The following KANK1 variants were observed in gnomAD, a reference collection of about 807,000 sequenced individuals.
KANK1 encodes the protein KN motif and ankyrin repeat domains 1.
KANK1 carries 109 observed loss-of-function variants against 106.2 expected under a neutral mutation model. The ratio of observed to expected loss-of-function variants is 1.03; its 90% CI spans 0.88 to 1.20. The LOEUF (loss-of-function observed/expected upper bound fraction) is 1.20. Ranked by LOEUF, KANK1 falls within the 50% of genes most tolerant of loss-of-function variation. The probability of loss-of-function intolerance (pLI) is 0.00; values close to 1 mark genes in which losing one functional copy is unlikely to be tolerated. For missense variants in KANK1, 2,399 were observed against 1,710.7 expected (o/e 1.40, Z -7.10); for synonymous variants, 873 against 652.2 (o/e 1.34, Z -5.16).
At chr9:597,596 C>T (rs1022411738) in intron 1 of KANK1, among the ~76,000 whole-genome samples, 3 of 151,646 alleles carry the variant, frequency 2.0e-5, no homozygotes, top group African/African-American at 4.9e-5. Context: ...ATTCTGGATA[C>T]TAGACCCTTA....
chr9:647,952 C>A (rs1588553159), intron 1 of KANK1, among the ~76,000 whole-genome samples: 1 of 149,804 alleles, frequency 6.7e-6, no homozygotes, highest in South Asian at 2.1e-4. Flanking sequence ...GCACCTCACA[C>A]ACAGCCAGTC....
chr9:687,904 A>T (rs1818933884), intron 2 of KANK1, among the ~76,000 whole-genome samples: 1 of 152,222 alleles, frequency 6.6e-6, no homozygotes, highest in Non-Finnish European at 1.5e-5. Flanking sequence ...GAATCATGTC[A>T]TCTTCTTCGT....
In KANK1 at chr9:524,807, G is replaced by A. The variant is rs191982223; in HGVS notation, c.-84+20053G>A. 1.8e-4 allele frequency among the ~76,000 whole-genome samples: 27 copies of A among 151,572 alleles called. 1 individual carries two copies. The highest frequency in any genetic ancestry group is 3.9e-4 in the East Asian group (2 of 5,170). ...GCTGGGATTATGGGTGTGAGCCACC[G>A]TGCCCGGCTCGTTACTGGTTTTGAT... On this transcript the variant is annotated intron_variant, in intron 1 of 11. Transcript: ENST00000382297.
intron 1 of KANK1, 45 bp downstream of exon 1, chr9:504,799 G>GCCCC (rs1459945642): frequency 4.1e-5 from 5 of 122,216 alleles, no homozygotes; most frequent in African/African-American, 1.2e-4. Context: ...GCCGCGGCGA[G>GCCCC]GTTGTCCCGG....
intron 1 of KANK1, among the ~76,000 whole-genome samples, chr9:629,901 T>C (rs1288084417): frequency 6.6e-6 from 1 of 152,206 alleles, no homozygotes; most frequent in Non-Finnish European, 1.5e-5. Flanking sequence ...ACGCACTTTG[T>C]TCATCTATAA....
intron 1 of KANK1, among the ~76,000 whole-genome samples, chr9:557,174 C>A: frequency 7.2e-6 from 1 of 138,248 alleles, no homozygotes; most frequent in South Asian, 2.5e-4. Flanking sequence ...CAGAGCAAGA[C>A]CATGTCTCAA....
chr9:606,812 T>C (rs1217031189), intron 1 of KANK1, among the ~76,000 whole-genome samples: 1 of 151,510 alleles, frequency 6.6e-6, no homozygotes, highest in African/African-American at 2.4e-5. Flanking sequence ...TCATCAAATA[T>C]ATATGGACCT....
At chr9:723,599 C>T (rs1274882654) in intron 3 of KANK1, among the ~76,000 whole-genome samples, 1 of 151,918 alleles carries the variant, frequency 6.6e-6, no homozygotes, top group African/African-American at 2.4e-5. Flanking sequence ...TGCACTCTAG[C>T]CTGGGTGACA....
At chr9:701,648 C>G (rs1465888521) in intron 2 of KANK1, among the ~76,000 whole-genome samples, 1 of 152,026 alleles carries the variant, frequency 6.6e-6, no homozygotes, top group Non-Finnish European at 1.5e-5. Context: ...CAGGCATTGC[C>G]AAATGTCCCT....
chr9:728,988 C>T (rs920553553), intron 3 of KANK1, among the ~76,000 whole-genome samples: 2 of 152,204 alleles, frequency 1.3e-5, no homozygotes, highest in African/African-American at 4.8e-5. Flanking sequence ...AACCCAGCCA[C>T]CTTGGGCACA....
At chr9:607,844 GC>G (rs1372958051) in intron 1 of KANK1, among the ~76,000 whole-genome samples, 3 of 151,546 alleles carry the variant, frequency 2.0e-5, no homozygotes, top group African/African-American at 7.3e-5. Context: ...GTAAAATTAG[GC>G]CAATCTTTTG....
intron 1 of KANK1, among the ~76,000 whole-genome samples, chr9:606,821 C>G (rs923141791): frequency 6.6e-6 from 1 of 151,426 alleles, no homozygotes; most frequent in Non-Finnish European, 1.5e-5. Context: ...ATATATGGAC[C>G]TGCCATATGC....
At chr9:666,263 T>A (rs1408380805) in intron 1 of KANK1, among the ~76,000 whole-genome samples, 2 of 152,224 alleles carry the variant, frequency 1.3e-5, no homozygotes, top group Non-Finnish European at 2.9e-5. Context: ...TTTTTCAGAT[T>A]GTTCACTATT....
At chr9:565,825 C>T (rs1268113735) in intron 1 of KANK1, among the ~76,000 whole-genome samples, 3 of 152,094 alleles carry the variant, frequency 2.0e-5, no homozygotes, top group Non-Finnish European at 4.4e-5. Flanking sequence ...TTGTGACTTC[C>T]AGAACAATGG....
intron 1 of KANK1, among the ~76,000 whole-genome samples, chr9:574,576 G>A (rs1372083264): frequency 6.6e-6 from 1 of 152,070 alleles, no homozygotes; most frequent in African/African-American, 2.4e-5. Flanking sequence ...TTCTTTCTCA[G>A]CCGCGCGTGG....
rs369614830 is a variant in KANK1, at chr9:734,881, T to C, written c.3333+46T>C. The C allele has an allele frequency of 7.1e-6, 10 of 1,401,172 alleles. No individual in the cohort carries two copies. The African/African-American group carries it at 1.1e-4, about 16-fold the overall frequency. The allele number at this position is 1,401,172 out of a possible 1,614,324, so 86.8% of individuals were successfully genotyped here. On this transcript the variant is annotated intron_variant, in intron 7 of 11. Transcript: ENST00000382297. ...CCATCCCCAGTGTGTACAAAGTGCA[T>C]GAGTGGGTTCATTGTCAAGGCCAGC...
intron 1 of KANK1, among the ~76,000 whole-genome samples, chr9:534,308 A>G (rs1306704878): frequency 1.3e-5 from 2 of 152,156 alleles, no homozygotes; most frequent in Non-Finnish European, 2.9e-5. Flanking sequence ...TCTTTTTTTG[A>G]AAGTATTATT....
chr9:732,479 A>C lies in KANK1; in HGVS notation c.3107A>C (p.Glu1036Ala). 1 of 1,614,026 alleles carries C rather than the reference A, an allele frequency of 6.2e-7. No homozygotes were observed. Among genetic ancestry groups the C allele is most frequent in the Non-Finnish European group, 8.5e-7 (1 of 1,179,976 alleles). ...DVIEYPLEEEEEEEDEDTRGM... is the reference protein window; with the variant it reads ...DVIEYPLEEEAEEEDEDTRGM... The stretch of plus-strand genomic sequence containing the variant: ...ATTGAGTATCCTCTTGAAGAAGAGG[A>C]GGAGGAGGAGGATGAAGACACTCGG... The change falls in exon 6 of 12, where the codon GAG (glutamate) becomes GCG (alanine). Residue 1036 changes from glutamate (E) to alanine (A), a missense_variant. Transcript: ENST00000382297.
chr9:626,596 G>A (rs574257930), intron 1 of KANK1, among the ~76,000 whole-genome samples: 6 of 152,302 alleles, frequency 3.9e-5, no homozygotes, highest in African/African-American at 1.4e-4. Flanking sequence ...TCCTTATTTA[G>A]TGAATAAATA....
Sources: gnomAD v4.1 joint callset for allele counts (sites outside exome capture counted in the v4.1 genomes callset) on GRCh38, gnomAD v4.1.1 for gene constraint, MANE v1.5 for transcripts, NCBI Gene and HGNC (gene_info 2026-07-23, HGNC 2026-07-21) for gene names.